Variants in LYST observed in about 807,000 individuals in gnomAD.
LYST encodes the protein lysosomal trafficking regulator.
Under a neutral mutation model 413.6 loss-of-function variants are expected in LYST, and 192 were observed. The observed-to-expected ratio is 0.46, with a 90% CI of 0.41 to 0.52. The LOEUF is 0.52. LYST is among the 20% of genes least tolerant of loss of function. The probability of loss-of-function intolerance (pLI) is 0.00; values close to 1 mark genes in which losing one functional copy is unlikely to be tolerated. For missense variants in LYST, 3,815 were observed against 4,499.9 expected, an observed-to-expected ratio of 0.85 and a Z score of 4.35; for synonymous variants, 1,525 against 1,567.3, an observed-to-expected ratio of 0.97 and a Z score of 0.64.
At position 235,808,865 on chromosome 1, in the gene LYST, T is replaced by C. The variant is rs550427813; in HGVS notation, c.1953A>G (p.Glu651=). 1 of 1,614,072 alleles carries C rather than the reference T, an allele frequency of 6.2e-7. No homozygotes were observed. Among genetic ancestry groups the C allele is most frequent in the African/African-American group, 1.3e-5 (1 of 75,046 alleles). The part of the protein sequence containing the change: ...TVDSDQLAQL[E]ETLQGNLCDA... ...CACATAAGTTTCCCTGCAGTGTCTC[T>C]TCTAATTGGGCTAGTTGGTCAGAGT... The change falls in exon 5 of 53, where the codon GAA becomes GAG. Residue 651 remains glutamate, a synonymous_variant. Transcript: ENST00000389793.
rs2103349905 is a variant in LYST, at chr1:235,758,827, TTTG to T, written c.6881+142_6881+144del. ...AAATAAGGAAAAATATATCTTTCTG[TTTG>T]TTATTATTATGTATATAAAGAAATA... On this transcript the variant is annotated intron_variant, in intron 23 of 52. Transcript: ENST00000389793. 4 of 704,062 alleles carry T rather than the reference TTTG, an allele frequency of 5.7e-6. No homozygotes were observed. In the Admixed American group the frequency reaches 8.3e-5, roughly 15 times the overall value. 43.6% of individuals were successfully genotyped at this position (704,062 alleles called of 1,614,324 possible). A position where few individuals can be genotyped will look rare whatever the true frequency, so the allele number is the denominator to read the frequency against.
rs979729264 is a variant in LYST, at chr1:235,774,964, A to G, written c.5583T>C (p.Ile1861=). The change falls in exon 18 of 53, where the codon ATT becomes ATC. Residue 1861 remains isoleucine, a synonymous_variant. Transcript: ENST00000389793. ...ATTTTTGTTTGATCAACACCTGATG[A>G]ATCATAGAAAGTCCATTACAATTTT... The part of the protein sequence containing the change: ...ELENCNGLSM[I]HQVLIKQKCI... The G allele has an allele frequency of 1.5e-5, 24 of 1,610,734 alleles. No homozygotes were observed. The highest frequency in any genetic ancestry group is 2.0e-5 in the Non-Finnish European group (23 of 1,178,454).
At chr1:235,821,358 G>A (rs1674730186) in intron 3 of LYST, among the ~76,000 whole-genome samples, 1 of 152,164 alleles carries the variant, frequency 6.6e-6, no homozygotes, top group African/African-American at 2.4e-5. Context: ...GATTGCTTGC[G>A]CCTGGGAGGC....
At chr1:235,862,752 C>T (rs1321130091) in intron 1 of LYST, among the ~76,000 whole-genome samples, 1 of 151,594 alleles carries the variant, frequency 6.6e-6, no homozygotes, top group African/African-American at 2.4e-5. Context: ...GCTGAGATCA[C>T]CCCACTGCAC....
intron 20 of LYST, 107 bp from the exon 21 acceptor site, chr1:235,766,384 C>T: frequency 1.3e-6 from 1 of 743,650 alleles, no homozygotes; most frequent in East Asian, 2.6e-5. Context: ...TGTTGGTTTA[C>T]TACTCTAGTC....
At chr1:235,672,644 T>C (rs1419414641) in intron 50 of LYST, among the ~76,000 whole-genome samples, 2 of 152,214 alleles carry the variant, frequency 1.3e-5, no homozygotes, top group African/African-American at 4.8e-5. Context: ...AACTTTCCAT[T>C]GTGAAAAGGG....
chr1:235,825,241 C>T (rs1166562121), intron 3 of LYST, among the ~76,000 whole-genome samples: 1 of 152,106 alleles, frequency 6.6e-6, no homozygotes, highest in Non-Finnish European at 1.5e-5. Context: ...ACTGAGAGTT[C>T]ATATCACATT....
rs188323935 is a variant in LYST at position 235,765,768 on chromosome 1, C to T, written c.6121+311G>A. Among the ~76,000 whole-genome samples the T allele has an allele frequency of 7.6e-4, 116 of 152,210 alleles. No homozygotes were observed. The Middle Eastern group carries it at 0.01, about 13-fold the overall frequency. On this transcript the variant is annotated intron_variant, in intron 21 of 52. Transcript: ENST00000389793. The stretch of plus-strand genomic sequence containing the variant: ...TATTAAATATTCTCTCCACAGTGGT[C>T]GGATGAAACCCTCTGTCCACTGAAA...
chr1:235,794,899 T>C (rs898594161), intron 10 of LYST, among the ~76,000 whole-genome samples: 3 of 152,162 alleles, frequency 2.0e-5, no homozygotes, highest in African/African-American at 7.2e-5. Context: ...AATGGATATA[T>C]ACACTTGCTT....
chr1:235,848,369 G>A (rs568556162), intron 1 of LYST, among the ~76,000 whole-genome samples: 26 of 152,208 alleles, frequency 1.7e-4, no homozygotes, highest in East Asian at 5.8e-4. Flanking sequence ...AAACCTCTGC[G>A]ATGGAGCAAG....
At chr1:235,751,567 A>G (rs1021364793) in intron 27 of LYST, among the ~76,000 whole-genome samples, 5 of 152,234 alleles carry the variant, frequency 3.3e-5, no homozygotes, top group Admixed American at 2.0e-4. Flanking sequence ...AAAACCTTCA[A>G]TGGAAAAATA....
At chr1:235,693,058 G>C (rs1352031700) in intron 47 of LYST, among the ~76,000 whole-genome samples, 1 of 152,080 alleles carries the variant, frequency 6.6e-6, no homozygotes, top group Non-Finnish European at 1.5e-5. Context: ...GCTCACACCT[G>C]TAATCCCAGC....
rs537990103 is a variant in LYST, at chr1:235,759,895, C to A, written c.6254-296G>T. 4.6e-5 allele frequency among the ~76,000 whole-genome samples: 7 copies of A among 152,220 alleles called. No individual in the cohort carries two copies. In the South Asian group the frequency reaches 1.2e-3, roughly 27 times the overall value. On this transcript the variant is annotated intron_variant, in intron 22 of 52. Transcript: ENST00000389793. ...GACTCCAAGCAGCTGGGACTATAGGCATGCACCCCACACCTGGCTTAATGC... is the reference window on the plus strand; with the variant it reads ...GACTCCAAGCAGCTGGGACTATAGGAATGCACCCCACACCTGGCTTAATGC...
chr1:235,741,715 TG>T lies in LYST; in HGVS notation c.8152-88del, dbSNP rs1572119374. On this transcript the variant is annotated intron_variant, in intron 30 of 52. Coordinates refer to ENST00000389793, the MANE Select transcript of LYST (RefSeq NM_000081.4). ...CTCAACACAGCCCTAAAGAAGATTATGGAACACGTTTTATTCCAGATTGGTT... is the reference window on the plus strand; with the variant it reads ...CTCAACACAGCCCTAAAGAAGATTATGAACACGTTTTATTCCAGATTGGTT... 4 of 953,182 alleles carry T rather than the reference TG, an allele frequency of 4.2e-6. No individual in the cohort carries two copies. In the African/African-American group the frequency reaches 4.8e-5, roughly 12 times the overall value. 59.0% of individuals were successfully genotyped at this position (953,182 alleles called of 1,614,324 possible).
Position 235,696,890 on chromosome 1 carries a change from A to T in LYST, c.10564+193T>A, listed in dbSNP as rs144619475. Among the ~76,000 whole-genome samples the T allele has an allele frequency of 3.4e-3, 515 of 152,208 alleles. 2 individuals carry two copies. The highest frequency in any genetic ancestry group is 0.012 in the Admixed American group (185 of 15,286). On this transcript the variant is annotated intron_variant, in intron 46 of 52. Transcript: ENST00000389793. ...TTGTCCCCTTCAAGTTCCTCCTCTC[A>T]TTTCAAATAGCACTGCATTTAACTC...
intron 19 of LYST, among the ~76,000 whole-genome samples, chr1:235,771,604 T>C (rs1254441489): frequency 6.6e-6 from 1 of 152,156 alleles, no homozygotes; most frequent in Non-Finnish European, 1.5e-5. Context: ...TTATCTTTTT[T>C]TTTTAGATCT....
At chr1:235,669,520 C>A (rs1221029385) in intron 50 of LYST, among the ~76,000 whole-genome samples, 1 of 152,192 alleles carries the variant, frequency 6.6e-6, no homozygotes, top group Non-Finnish European at 1.5e-5. Flanking sequence ...CCTTAGCCTA[C>A]GATTGGTTGC....
chr1:235,725,682 C>T (rs1305517031), intron 38 of LYST, among the ~76,000 whole-genome samples: 2 of 152,148 alleles, frequency 1.3e-5, no homozygotes, highest in African/African-American at 2.4e-5. Flanking sequence ...AGGAGCATTC[C>T]TGGAACTAAT....
Position 235,759,375 on chromosome 1 carries a change from T to C in LYST, c.6478A>G (p.Lys2160Glu). 1 of 1,614,210 alleles carries C rather than the reference T, an allele frequency of 6.2e-7. No homozygotes were observed. Among genetic ancestry groups the C allele is most frequent in the Non-Finnish European group, 8.5e-7 (1 of 1,180,016 alleles). Residue 2160 changes from lysine (K) to glutamate (E), a missense_variant, in exon 23 of 53, where the codon AAA becomes GAA. Lys to Glu is a moderately conservative substitution (Grantham distance 56). Coordinates refer to ENST00000389793, the MANE Select transcript of LYST (RefSeq NM_000081.4). Reference sequence around the variant, plus strand: ...CAGCTACTGATGAATGCGTCCTCTTTGCCTTTTTTCAGTGTGTCGGAACTC... The same window carrying C: ...CAGCTACTGATGAATGCGTCCTCTTCGCCTTTTTTCAGTGTGTCGGAACTC... ...LGSSDTLKKG[K>E]EDAFISSCES...
Sources: allele counts gnomAD v4.1 joint callset (sites outside exome capture counted in the v4.1 genomes callset), GRCh38; gene constraint gnomAD v4.1.1; transcripts MANE v1.5; gene names NCBI Gene and HGNC (gene_info 2026-07-23, HGNC 2026-07-21).